Variants in TBCK observed in about 807,000 individuals in gnomAD.
The protein encoded by TBCK is TBC1 domain containing kinase, also known as TBC domain-containing protein kinase-like protein.
In TBCK, 99 loss-of-function variants were observed where a neutral mutation model predicts 113.4. That is an observed-to-expected ratio of 0.87 (90% CI 0.74 to 1.03). TBCK has a LOEUF of 1.03. Ranked by LOEUF, TBCK falls within the 50% of genes least tolerant of loss-of-function variation. TBCK has a pLI of 0.00. For synonymous variants in TBCK, 369 were observed against 370.8 expected (o/e 1.00, Z 0.05); for missense variants, 1,045 against 1,061.3 (o/e 0.98, Z 0.21).
At chr4:106,286,790 C>A (rs76518335) in intron 3 of TBCK, among the ~76,000 whole-genome samples, 4,446 of 150,764 alleles carry the variant, frequency 0.029, 105 homozygotes, top group Non-Finnish European at 0.046. Context: ...TCACAGTAAG[C>A]GAGGTCAAGG....
At chr4:106,109,576 C>T (rs905068237) in intron 24 of TBCK, among the ~76,000 whole-genome samples, 17 of 152,058 alleles carry the variant, frequency 1.1e-4, no homozygotes, top group Admixed American at 2.0e-4. Context: ...TAGTCATATG[C>T]GGAAGATTGA....
rs145576942 is a variant in TBCK, at chr4:106,140,953, T to C, written c.2236-24575A>G. On this transcript the variant is annotated intron_variant, in intron 23 of 25. Transcript: ENST00000394708. ...TAAAATGGCAAAGCTCAGTAATCCA[T>C]AGTCATGGCTTATATTTAGTTCCTA... Among the ~76,000 whole-genome samples, 46 of 140,920 alleles carry C rather than the reference T, an allele frequency of 3.3e-4. 8 individuals carry two copies. The highest frequency in any genetic ancestry group is 2.2e-3 in the Admixed American group (31 of 14,238). The allele number at this position is 140,920 out of a possible 152,430, so 92.4% of individuals were successfully genotyped here.
At chr4:106,075,533 C>T (rs563349894) in intron 25 of TBCK, among the ~76,000 whole-genome samples, 1 of 152,266 alleles carries the variant, frequency 6.6e-6, no homozygotes, top group Non-Finnish European at 1.5e-5. Context: ...ATTGCCTTCA[C>T]ATTTTAAACT....
At chr4:106,053,166 A>T (rs1734993471) in intron 25 of TBCK, among the ~76,000 whole-genome samples, 1 of 151,624 alleles carries the variant, frequency 6.6e-6, no homozygotes, top group Admixed American at 6.6e-5. Flanking sequence ...GATCCAAACA[A>T]GGGCCACGCA....
At chr4:106,052,566 A>T (rs1406611597) in intron 25 of TBCK, among the ~76,000 whole-genome samples, 1 of 151,732 alleles carries the variant, frequency 6.6e-6, no homozygotes, top group Non-Finnish European at 1.5e-5. Context: ...CTTTGAGGTT[A>T]GGAAATTTGA....
chr4:106,301,834 A>G (rs545446827), intron 2 of TBCK, among the ~76,000 whole-genome samples: 1 of 152,346 alleles, frequency 6.6e-6, no homozygotes, highest in South Asian at 2.1e-4. Context: ...GAGGAAAAGT[A>G]GAATCAAAAT....
intron 1 of TBCK, among the ~76,000 whole-genome samples, chr4:106,314,980 A>AATAAAACACAATGATCGAAAAAG (rs1375202152): frequency 1.3e-5 from 2 of 152,158 alleles, no homozygotes; most frequent in Non-Finnish European, 2.9e-5. Context: ...AAAATAACCA[A>AATAAAACACAATGATCGAAAAAG]ATAAAACACA....
intron 23 of TBCK, among the ~76,000 whole-genome samples, chr4:106,149,301 G>T (rs1380423147): frequency 6.6e-6 from 1 of 152,116 alleles, no homozygotes; most frequent in Non-Finnish European, 1.5e-5. Context: ...TTTTTCCTTT[G>T]CATCACAATT....
chr4:106,233,940 T>G (rs1353891613), intron 15 of TBCK, among the ~76,000 whole-genome samples: 1 of 152,118 alleles, frequency 6.6e-6, no homozygotes, highest in Non-Finnish European at 1.5e-5. Context: ...GTAAGTATGT[T>G]TGGCCAACCT....
At chr4:106,074,829 G>A (rs1560609177) in intron 25 of TBCK, among the ~76,000 whole-genome samples, 1 of 152,168 alleles carries the variant, frequency 6.6e-6, no homozygotes, top group African/African-American at 2.4e-5. Flanking sequence ...GTGTTGTGGA[G>A]AGAAGGCTTC....
At chr4:106,218,344 G>T (rs1757239357) in intron 19 of TBCK, among the ~76,000 whole-genome samples, 1 of 150,350 alleles carries the variant, frequency 6.7e-6, no homozygotes, top group African/African-American at 2.4e-5. Flanking sequence ...AAAAGCAATG[G>T]CAACAAAAGA....
intron 24 of TBCK, among the ~76,000 whole-genome samples, chr4:106,101,222 T>C (rs757539766): frequency 5.8e-4 from 89 of 152,154 alleles, no homozygotes; most frequent in Non-Finnish European, 1.2e-3. Flanking sequence ...ACTGGGGTCA[T>C]GGATGGTTCT....
intron 25 of TBCK, among the ~76,000 whole-genome samples, chr4:106,068,293 C>T (rs1448174087): frequency 6.6e-6 from 1 of 151,870 alleles, no homozygotes; most frequent in African/African-American, 2.4e-5. Context: ...TAATGCTATC[C>T]CTCCCCCATC....
intron 3 of TBCK, among the ~76,000 whole-genome samples, chr4:106,293,857 A>G (rs1001108638): frequency 1.3e-5 from 2 of 152,112 alleles, no homozygotes; most frequent in Non-Finnish European, 2.9e-5. Context: ...ATCTATAAAC[A>G]CTCGTGGCAA....
intron 23 of TBCK, among the ~76,000 whole-genome samples, chr4:106,137,335 T>C (rs913816840): frequency 2.8e-5 from 4 of 140,546 alleles, no homozygotes; most frequent in African/African-American, 1.0e-4. Context: ...AAACATAAAT[T>C]TGAGATTTTT....
chr4:106,198,938 C>T (rs564656366), intron 20 of TBCK, among the ~76,000 whole-genome samples: 3 of 152,180 alleles, frequency 2.0e-5, no homozygotes, highest in Non-Finnish European at 4.4e-5. Flanking sequence ...ATATTCTCTG[C>T]AGGAGAATGA....
chr4:106,265,942 G>C (rs1762954043), intron 3 of TBCK, among the ~76,000 whole-genome samples: 1 of 151,782 alleles, frequency 6.6e-6, no homozygotes, highest in South Asian at 2.1e-4. Context: ...TAAATTGACT[G>C]TAAAATATTC....
intron 19 of TBCK, among the ~76,000 whole-genome samples, chr4:106,228,461 T>G (rs1442981240): frequency 1.3e-5 from 2 of 151,964 alleles, no homozygotes; most frequent in African/African-American, 4.8e-5. Flanking sequence ...ATGTTTTGAT[T>G]TTCAGATCCC....
At chr4:106,256,499 T>A (rs1292147678) in intron 5 of TBCK, among the ~76,000 whole-genome samples, 1 of 151,990 alleles carries the variant, frequency 6.6e-6, no homozygotes, top group African/African-American at 2.4e-5. Context: ...CCAACATCGC[T>A]CCAAGATCAG....
Sources: gnomAD v4.1 joint callset for allele counts (sites outside exome capture counted in the v4.1 genomes callset) on GRCh38, gnomAD v4.1.1 for gene constraint, MANE v1.5 for transcripts, NCBI Gene and HGNC (gene_info 2026-07-23, HGNC 2026-07-21) for gene names.